C1QTNF5: variants seen among roughly 807,000 people sequenced by gnomAD.
The protein encoded by C1QTNF5 is C1q and TNF related 5, also known as complement C1q tumor necrosis factor-related protein 5.
C1QTNF5 carries 5 observed loss-of-function variants against 10.9 expected under a neutral mutation model. The observed-to-expected ratio is 0.46, with a 90% CI of 0.24 to 0.97. C1QTNF5 has a LOEUF of 0.97. C1QTNF5 is among the 50% of genes least tolerant of loss of function. The pLI, the probability that C1QTNF5 is intolerant of heterozygous loss-of-function variation, is 0.19. For missense variants in C1QTNF5, 281 were observed against 339.4 expected, an observed-to-expected ratio of 0.83 and a Z score of 1.35; for synonymous variants, 161 against 156.5, an observed-to-expected ratio of 1.03 and a Z score of -0.22.
chr11:119,345,970 G>A, the C1QTNF5 span: 1 of 1,613,566 alleles, frequency 6.2e-7, no homozygotes, highest in South Asian at 1.1e-5. Flanking sequence ...GAGGAGCTGG[G>A]TCCTGGGAGG....
At chr11:119,345,494 G>A (rs367873920), upstream of C1QTNF5, 3 of 1,614,026 alleles carry the variant, frequency 1.9e-6, no homozygotes, top group African/African-American at 4.0e-5. Flanking sequence ...TCTCTATGCT[G>A]AGGGCTTCGA....
the C1QTNF5 span, chr11:119,346,593 C>T: frequency 6.9e-7 from 1 of 1,458,088 alleles, no homozygotes; most frequent in Non-Finnish European, 9.6e-7. Context: ...ACCACAAACT[C>T]CCTGTCAGAG....
chr11:119,344,218 G>C (rs1469054779), upstream of C1QTNF5: 1 of 1,205,360 alleles, frequency 8.3e-7, no homozygotes, highest in East Asian at 2.3e-5. Flanking sequence ...TTCCCAAGTA[G>C]AAGGTAGTGT....
chr11:119,342,596 C>T, upstream of C1QTNF5: 1 of 1,613,078 alleles, frequency 6.2e-7, no homozygotes. Flanking sequence ...GGCTTCTCAC[C>T]TGGGGGTGGG....
upstream of C1QTNF5, chr11:119,342,725 G>C (rs767917702): frequency 8.9e-5 from 144 of 1,613,392 alleles, no homozygotes; most frequent in Non-Finnish European, 1.1e-4. Context: ...GGCCCACAGG[G>C]GTCTGCAGGC....
chr11:119,340,218 C>T lies in C1QTNF5; in HGVS notation c.180G>A (p.Gly60=). The stretch of plus-strand genomic sequence containing the variant: ...CGCCCTCGCCTTTCTCTCCCGGAGC[C>T]CCGGGCGCGCCGTCGCGGCCGTCGC... ...DGRDGRDGAP[G]APGEKGEGGR... The change falls in exon 2 of 3, where the codon GGG becomes GGA. Residue 60 remains glycine, a synonymous_variant. Transcript: ENST00000528368. The T allele has an allele frequency of 6.6e-7, 1 of 1,514,086 alleles. No homozygotes were observed. Among genetic ancestry groups the T allele is most frequent in the Non-Finnish European group, 8.8e-7 (1 of 1,133,928 alleles). 93.8% of individuals were successfully genotyped at this position (1,514,086 alleles called of 1,614,324 possible). A position where few individuals can be genotyped will look rare whatever the true frequency, so the allele number is the denominator to read the frequency against.
chr11:119,346,557 C>T, the C1QTNF5 span: 8,994 of 1,599,394 alleles, frequency 5.6e-3, 102 homozygotes, highest in South Asian at 0.03. Flanking sequence ...TGTGACAGCC[C>T]AAGACCCCCA....
upstream of C1QTNF5, chr11:119,341,631 G>A (rs748020341): frequency 6.2e-7 from 1 of 1,613,000 alleles, no homozygotes; most frequent in East Asian, 2.2e-5. Flanking sequence ...AGTAGTGCCA[G>A]GCCAGACTGG....
At position 119,339,379 on chromosome 11, in the gene C1QTNF5, G is replaced by A. The variant is rs757154342; in HGVS notation, c.684C>T (p.Ser228=). The change falls in exon 3 of 3, where the codon TCC becomes TCT. Residue 228 remains serine, a synonymous_variant. Transcript: ENST00000528368. The surrounding 1 kb of genome is among the most constrained non-coding windows in gnomAD (Gnocchi z 5.4). Reference sequence around the variant, plus strand: ...GCCAGTCGGAGTACACCAGAAATCCGGAGAAGGTGCTGTCTGTCTTGATGC... The same window carrying A: ...GCCAGTCGGAGTACACCAGAAATCCAGAGAAGGTGCTGTCTGTCTTGATGC... The part of the protein sequence containing the change: ...YASIKTDSTF[S]GFLVYSDWHS... 1 of 1,612,940 alleles carries A rather than the reference G, an allele frequency of 6.2e-7. No individual in the cohort carries two copies. The highest frequency in any genetic ancestry group is 1.1e-5 in the South Asian group (1 of 90,996).
chr11:119,341,698 T>C (rs1307704559), upstream of C1QTNF5: 4 of 1,613,040 alleles, frequency 2.5e-6, no homozygotes, highest in South Asian at 4.4e-5. Flanking sequence ...CACTGCCTAG[T>C]GGGGTGCAAC....
At chr11:119,346,596 T>A in the C1QTNF5 span, 1 of 1,421,720 alleles carries the variant, frequency 7.0e-7, no homozygotes, top group Non-Finnish European at 9.9e-7. Flanking sequence ...ACAAACTCCC[T>A]GTCAGAGGGG....
upstream of C1QTNF5, chr11:119,345,024 G>C (rs570176649): frequency 1.3e-5 from 20 of 1,596,270 alleles, no homozygotes; most frequent in Non-Finnish European, 1.7e-5. Context: ...GCCAGGTTGG[G>C]GGTGAGGGAG....
At chr11:119,345,475 A>C, upstream of C1QTNF5, 1 of 1,614,014 alleles carries the variant, frequency 6.2e-7, no homozygotes, top group Admixed American at 1.7e-5. Flanking sequence ...AAAAGGCAAG[A>C]GGCCACACTC....
the C1QTNF5 span, chr11:119,346,661 T>C: frequency 3.8e-6 from 3 of 786,840 alleles, no homozygotes; most frequent in African/African-American, 1.7e-5. Flanking sequence ...TCTTGGGCTG[T>C]CCTTGGTAGA....
chr11:119,343,826 G>C (rs201874769), upstream of C1QTNF5: 4 of 1,613,966 alleles, frequency 2.5e-6, no homozygotes, highest in Admixed American at 6.7e-5. Flanking sequence ...CTGCCCAGGA[G>C]GCTGAAGGCC....
chr11:119,343,097 T>A, upstream of C1QTNF5: 1 of 1,467,448 alleles, frequency 6.8e-7, no homozygotes, highest in Non-Finnish European at 9.2e-7. Context: ...CTGGGAGCCC[T>A]GGATGATGCC....
At chr11:119,346,216 G>C in the C1QTNF5 span, 5 of 1,568,444 alleles carry the variant, frequency 3.2e-6, no homozygotes, top group East Asian at 2.3e-5. Flanking sequence ...TCCTCATGCT[G>C]TCCTTGGCTC....
At chr11:119,343,778 G>C (rs1950527687), upstream of C1QTNF5, 3 of 1,613,106 alleles carry the variant, frequency 1.9e-6, no homozygotes, top group East Asian at 6.7e-5. Flanking sequence ...CAGACAGTGA[G>C]GATGGAGTTA....
upstream of C1QTNF5, chr11:119,344,027 G>A: frequency 6.2e-7 from 1 of 1,602,372 alleles, no homozygotes; most frequent in Non-Finnish European, 8.5e-7. Flanking sequence ...CGGGCACCCA[G>A]AAGGGTCTTC....
Sources: allele counts gnomAD v4.1 joint callset, GRCh38; gene constraint gnomAD v4.1.1; non-coding constraint Gnocchi (gnomAD v3.1); transcripts MANE v1.5; gene names NCBI Gene and HGNC (gene_info 2026-07-23, HGNC 2026-07-21).